Variants in XKR6 observed in about 807,000 individuals in gnomAD.
The protein encoded by XKR6 is XK related 6.
A neutral mutation model predicts 56.7 loss-of-function variants in XKR6; 22 were observed. The ratio of observed to expected loss-of-function variants is 0.39; its 90% CI spans 0.28 to 0.55. XKR6 has a LOEUF of 0.55. Ranked by LOEUF, XKR6 falls within the 20% of genes least tolerant of loss-of-function variation. XKR6 has a pLI of 0.66. For missense variants in XKR6, 852 were observed against 889.0 expected (o/e 0.96, Z 0.53); for synonymous variants, 524 against 387.8 (o/e 1.35, Z -4.13).
At chr8:11,112,342 C>CT (rs1798942193) in intron 1 of XKR6, among the ~76,000 whole-genome samples, 1 of 152,078 alleles carries the variant, frequency 6.6e-6, no homozygotes, top group Non-Finnish European at 1.5e-5. Flanking sequence ...ATTACATTAA[C>CT]TTTTAGCACA....
intron 1 of XKR6, among the ~76,000 whole-genome samples, chr8:11,140,749 T>C (rs1800651479): frequency 6.6e-6 from 1 of 151,600 alleles, no homozygotes; most frequent in Non-Finnish European, 1.5e-5. Context: ...TACAAAACAA[T>C]TAGCCAGGCA....
chr8:10,980,519 G>A lies in XKR6; in HGVS notation c.765-55689C>T, dbSNP rs1222068590. The stretch of plus-strand genomic sequence containing the variant: ...GCTGTTTCCTTAACAGCAGGAACGT[G>A]CCTAGCACATTCCTAGCATGTTGTA... On this transcript the variant is annotated intron_variant, in intron 1 of 2. Coordinates refer to ENST00000416569, the MANE Select transcript of XKR6 (RefSeq NM_173683.4). Among the ~76,000 whole-genome samples, 6 of 152,314 alleles carry A rather than the reference G, an allele frequency of 3.9e-5. No homozygotes were observed. In the East Asian group the frequency reaches 7.7e-4, roughly 20 times the overall value.
At chr8:10,961,950 C>T (rs1021396337) in intron 1 of XKR6, among the ~76,000 whole-genome samples, 2 of 152,196 alleles carry the variant, frequency 1.3e-5, no homozygotes, top group Non-Finnish European at 1.5e-5. Flanking sequence ...CCAACACAAA[C>T]GCATAGCTAT....
intron 1 of XKR6, among the ~76,000 whole-genome samples, chr8:11,069,007 G>C (rs1800050532): frequency 6.6e-6 from 1 of 152,102 alleles, no homozygotes; most frequent in Non-Finnish European, 1.5e-5. Context: ...CCAACCTCGG[G>C]GTCCTGATTG....
At chr8:11,073,958 C>G (rs985556813) in intron 1 of XKR6, among the ~76,000 whole-genome samples, 1 of 152,042 alleles carries the variant, frequency 6.6e-6, no homozygotes, top group Non-Finnish European at 1.5e-5. Flanking sequence ...GCCAGACACA[C>G]AGAGAACACC....
intron 1 of XKR6, among the ~76,000 whole-genome samples, chr8:11,103,038 A>T (rs1217663821): frequency 6.6e-6 from 1 of 152,210 alleles, no homozygotes; most frequent in African/African-American, 2.4e-5. Flanking sequence ...TTTTTTTGCC[A>T]GAATTTAAGA....
intron 1 of XKR6, among the ~76,000 whole-genome samples, chr8:10,998,303 C>A (rs1798161663): frequency 6.6e-6 from 1 of 152,046 alleles, no homozygotes; most frequent in Non-Finnish European, 1.5e-5. Flanking sequence ...ACACACACCT[C>A]TTAGTTGTCA....
At chr8:10,904,424 G>C (rs565334139) in intron 2 of XKR6, among the ~76,000 whole-genome samples, 2 of 152,232 alleles carry the variant, frequency 1.3e-5, no homozygotes, top group South Asian at 2.1e-4. Context: ...CAGAAAGGCA[G>C]TCATCAGGGA....
intron 1 of XKR6, among the ~76,000 whole-genome samples, chr8:11,007,061 C>T (rs764402096): frequency 6.6e-6 from 1 of 152,132 alleles, no homozygotes. Context: ...GGATTTAATT[C>T]CTGAATAAGA....
At chr8:10,993,314 G>T (rs1046952380) in intron 1 of XKR6, among the ~76,000 whole-genome samples, 1 of 152,232 alleles carries the variant, frequency 6.6e-6, no homozygotes, top group African/African-American at 2.4e-5. Flanking sequence ...CCTGCAGTCA[G>T]GAAGCCAAGG....
intron 1 of XKR6, among the ~76,000 whole-genome samples, chr8:11,030,765 C>T (rs1244185493): frequency 1.3e-5 from 2 of 152,110 alleles, no homozygotes; most frequent in African/African-American, 4.8e-5. Flanking sequence ...CTCTCCTAGG[C>T]GTGGAGGGTG....
At chr8:10,992,857 A>G (rs909375833) in intron 1 of XKR6, among the ~76,000 whole-genome samples, 1 of 152,156 alleles carries the variant, frequency 6.6e-6, no homozygotes, top group African/African-American at 2.4e-5. Flanking sequence ...CACCAAATGG[A>G]TGTCTCCATG....
intron 1 of XKR6, among the ~76,000 whole-genome samples, chr8:10,993,992 C>T (rs1189283170): frequency 6.6e-6 from 1 of 152,200 alleles, no homozygotes; most frequent in Non-Finnish European, 1.5e-5. Flanking sequence ...ATCATGAGGC[C>T]TATATCCTGT....
At chr8:11,046,946 C>T (rs1009886653) in intron 1 of XKR6, among the ~76,000 whole-genome samples, 4 of 151,938 alleles carry the variant, frequency 2.6e-5, no homozygotes, top group African/African-American at 7.3e-5. Context: ...CTAAACAACT[C>T]AAACTCATAG....
At position 11,200,659 on chromosome 8, in the gene XKR6, C is replaced by G. The variant is rs770063327; in HGVS notation, c.681G>C (p.Thr227=). ...RGGPGVRVSP[T]PGAQRLCRLS... ...GGCGACACAGGCGCTGCGCCCCCGG[C>G]GTGGGGGAGACCCTCACGCCTGGGC... Residue 227 remains threonine, a synonymous_variant, in exon 1 of 3, where the codon ACG becomes ACC. Transcript: ENST00000416569. The surrounding 1 kb of genome is among the most constrained non-coding windows in gnomAD (Gnocchi z 6.4). 2 of 1,555,856 alleles carry G rather than the reference C, an allele frequency of 1.3e-6. No individual in the cohort carries two copies. The highest frequency in any genetic ancestry group is 1.7e-6 in the Non-Finnish European group (2 of 1,162,150).
At chr8:11,006,951 A>T (rs1798383548) in intron 1 of XKR6, among the ~76,000 whole-genome samples, 1 of 152,230 alleles carries the variant, frequency 6.6e-6, no homozygotes, top group African/African-American at 2.4e-5. Context: ...CAAGCAGTTC[A>T]TCCTGTTTCC....
rs1226129360 is a variant in XKR6, at chr8:11,200,543, G to A, written c.764+33C>T. The A allele has an allele frequency of 1.4e-6, 2 of 1,434,288 alleles. No homozygotes were observed. Among genetic ancestry groups the A allele is most frequent in the Middle Eastern group, 2.2e-4 (1 of 4,446 alleles). The allele number at this position is 1,434,288 out of a possible 1,614,324, so 88.8% of individuals were successfully genotyped here. A position where few individuals can be genotyped will look rare whatever the true frequency, so the allele number is the denominator to read the frequency against. ...GGGAGGGCGGAGGGGGGCTCCTCAG[G>A]GCCGGCCCGCCCCCACCCCGCAGTG... is the stretch of plus-strand genomic sequence containing the variant. On this transcript the variant is annotated intron_variant, in intron 1 of 2. Transcript: ENST00000416569. This position sits in a 1 kb window ranked among gnomAD's most constrained non-coding sequence, Gnocchi z 6.4.
intron 1 of XKR6, among the ~76,000 whole-genome samples, chr8:11,058,855 T>TA (rs1367208949): frequency 4.6e-5 from 7 of 152,124 alleles, no homozygotes; most frequent in African/African-American, 1.4e-4. Flanking sequence ...GTAAAATTTT[T>TA]AAAAAAAGAA....
intron 1 of XKR6, among the ~76,000 whole-genome samples, chr8:11,154,705 T>G (rs2116988136): frequency 6.6e-6 from 1 of 152,328 alleles, no homozygotes; most frequent in South Asian, 2.1e-4. Flanking sequence ...TTCTTGAAAA[T>G]TAAGTAAGAG....
Sources: allele counts gnomAD v4.1 joint callset (sites outside exome capture counted in the v4.1 genomes callset), GRCh38; gene constraint gnomAD v4.1.1; non-coding constraint Gnocchi (gnomAD v3.1); transcripts MANE v1.5; gene names NCBI Gene and HGNC (gene_info 2026-07-23, HGNC 2026-07-21).